Variants in PRKCE observed in about 807,000 individuals in gnomAD.
PRKCE encodes the protein protein kinase C epsilon type.
In PRKCE, 16 loss-of-function variants were observed where a neutral mutation model predicts 85.4. The ratio of observed to expected loss-of-function variants is 0.19; its 90% CI spans 0.13 to 0.28. PRKCE has a LOEUF of 0.28. Among genes scored for constraint, PRKCE ranks in the 10% least tolerant of loss-of-function variants. PRKCE has a pLI of 1.00. For missense variants in PRKCE, 573 were observed against 975.2 expected (o/e 0.59, Z 5.49); for synonymous variants, 388 against 371.5 (o/e 1.04, Z -0.51).
intron 1 of PRKCE, among the ~76,000 whole-genome samples, chr2:45,801,752 G>T (rs942877613): frequency 3.3e-5 from 5 of 152,134 alleles, no homozygotes; most frequent in African/African-American, 1.2e-4. Context: ...GTTCTTCCCT[G>T]GTGTGTCCTG....
intron 2 of PRKCE, among the ~76,000 whole-genome samples, chr2:45,885,680 A>G (rs1695244320): frequency 6.6e-6 from 1 of 152,196 alleles, no homozygotes; most frequent in African/African-American, 2.4e-5. Flanking sequence ...TTAGTTCTCT[A>G]GCCAAAGCAA....
rs999941457 is a variant in PRKCE at position 45,774,192 on chromosome 2, G to T, written c.349-68808G>T. On this transcript the variant is annotated intron_variant, in intron 1 of 14. Transcript: ENST00000306156. This position sits in a 1 kb window ranked among gnomAD's most constrained non-coding sequence, Gnocchi z 4.3. Reference sequence around the variant, plus strand: ...GGCTGGGCTTGGCTGGGACATGTTGGGCTGACCACCCCTGTGGTCAGGGCC... The same window carrying T: ...GGCTGGGCTTGGCTGGGACATGTTGTGCTGACCACCCCTGTGGTCAGGGCC... Among the ~76,000 whole-genome samples the T allele has an allele frequency of 6.6e-6, 1 of 152,110 alleles. No individual in the cohort carries two copies. Among genetic ancestry groups the T allele is most frequent in the East Asian group, 1.9e-4 (1 of 5,154 alleles).
intron 14 of PRKCE, among the ~76,000 whole-genome samples, chr2:46,174,979 C>G (rs1328771572): frequency 6.6e-6 from 1 of 152,112 alleles, no homozygotes; most frequent in Non-Finnish European, 1.5e-5. Flanking sequence ...GCATGAACCA[C>G]CACGCCCAGC....
At chr2:46,164,837 C>T (rs1316365332) in intron 14 of PRKCE, 1 of 152,292 alleles carries the variant, frequency 6.6e-6, no homozygotes, top group Non-Finnish European at 1.5e-5. Flanking sequence ...CCCTGGGTCA[C>T]CACCACAGAG....
At chr2:45,760,322 A>T (rs1300362858) in intron 1 of PRKCE, among the ~76,000 whole-genome samples, 1 of 152,192 alleles carries the variant, frequency 6.6e-6, no homozygotes, top group Non-Finnish European at 1.5e-5. Context: ...TGAGCACTGG[A>T]TTTGGTTTTG....
At chr2:45,686,201 C>G (rs147534447) in intron 1 of PRKCE, 3 of 152,254 alleles carry the variant, frequency 2.0e-5, no homozygotes, top group Non-Finnish European at 2.9e-5. Flanking sequence ...ACTTTTCCTT[C>G]TTTATAATTT....
chr2:45,802,633 T>A (rs956930060), intron 1 of PRKCE, among the ~76,000 whole-genome samples: 1 of 152,170 alleles, frequency 6.6e-6, no homozygotes, highest in Non-Finnish European at 1.5e-5. Flanking sequence ...GAGTAAGCCC[T>A]CCAGGGAAGT....
chr2:46,175,699 T>G (rs918520963), intron 14 of PRKCE, among the ~76,000 whole-genome samples: 6 of 152,180 alleles, frequency 3.9e-5, no homozygotes, highest in Non-Finnish European at 7.3e-5. Context: ...AAGAAACCAG[T>G]CTGATTCCAT....
chr2:46,087,242 G>A (rs912989284), intron 11 of PRKCE, among the ~76,000 whole-genome samples: 1 of 151,712 alleles, frequency 6.6e-6, no homozygotes, highest in African/African-American at 2.4e-5. Context: ...CATCATCTTG[G>A]TCTAGTGGAA....
chr2:45,874,369 C>T (rs1694316314), intron 2 of PRKCE, among the ~76,000 whole-genome samples: 1 of 152,214 alleles, frequency 6.6e-6, no homozygotes, highest in Non-Finnish European at 1.5e-5. Context: ...CTGCCCTGAA[C>T]TTGTGCCTGT....
At chr2:46,089,795 G>T (rs527483556) in intron 11 of PRKCE, among the ~76,000 whole-genome samples, 10 of 152,094 alleles carry the variant, frequency 6.6e-5, no homozygotes, top group Non-Finnish European at 1.2e-4. Flanking sequence ...ACAGGGCCCC[G>T]ATGGCCATGA....
In PRKCE at chr2:45,774,133, G is replaced by A. The variant is rs1405580509; in HGVS notation, c.349-68867G>A. Among the ~76,000 whole-genome samples the A allele has an allele frequency of 6.6e-6, 1 of 152,146 alleles. No homozygotes were observed. Among genetic ancestry groups the A allele is most frequent in the Non-Finnish European group, 1.5e-5 (1 of 68,020 alleles). On this transcript the variant is annotated intron_variant, in intron 1 of 14. Coordinates refer to ENST00000306156, the MANE Select transcript of PRKCE (RefSeq NM_005400.3). This position sits in a 1 kb window ranked among gnomAD's most constrained non-coding sequence, Gnocchi z 4.3. ...CTCCCTTGGAGAGATGGGGGCTGGA[G>A]GGAGCCAGGGACTTGTCATCCTGGG...
chr2:45,652,436 C>T lies in PRKCE; in HGVS notation c.336C>T (p.His112=). Residue 112 remains histidine, a synonymous_variant, in exon 1 of 15, where the codon CAC becomes CAT. Transcript: ENST00000306156. The surrounding 1 kb of genome is among the most constrained non-coding windows in gnomAD (Gnocchi z 7.7). ...FEELLQNGSR[H]FEDWIDLEPE... is the part of the protein sequence containing the mutation. ...AGCTGCTGCAGAACGGGAGCCGCCA[C>T]TTCGAGGACTGGGTGAGTGCGGCGC... 6.2e-7 allele frequency: 1 copy of T among 1,608,278 alleles called. No individual in the cohort carries two copies. The highest frequency in any genetic ancestry group is 8.5e-7 in the Non-Finnish European group (1 of 1,178,914).
intron 1 of PRKCE, among the ~76,000 whole-genome samples, chr2:45,684,295 C>G (rs1191655588): frequency 6.6e-6 from 1 of 152,140 alleles, no homozygotes; most frequent in Admixed American, 6.5e-5. Context: ...GGTCTTGGCT[C>G]CTGGTGAAGA....
rs906474483 is a variant in PRKCE at position 46,185,254 on chromosome 2, G to A, written c.*373G>A. The A allele has an allele frequency of 3.0e-4, 59 of 196,176 alleles. No homozygotes were observed. Among genetic ancestry groups the A allele is most frequent in the African/African-American group, 1.3e-3 (54 of 42,380 alleles). 12.2% of individuals were successfully genotyped at this position (196,176 alleles called of 1,614,324 possible). On this transcript the variant is annotated 3_prime_UTR_variant, in exon 15 of 15. Coordinates refer to ENST00000306156, the MANE Select transcript of PRKCE (RefSeq NM_005400.3). This position sits in a 1 kb window ranked among gnomAD's most constrained non-coding sequence, Gnocchi z 4.7. ...GAAAGAAAGCAAACAAGAAGACTCC[G>A]GCTCTGCTATCGGACACAGATCCTG...
At chr2:45,666,912 C>G (rs1675937888) in intron 1 of PRKCE, among the ~76,000 whole-genome samples, 1 of 152,172 alleles carries the variant, frequency 6.6e-6, no homozygotes, top group Non-Finnish European at 1.5e-5. Flanking sequence ...GTGATCATAA[C>G]TCACTGCAAC....
intron 4 of PRKCE, among the ~76,000 whole-genome samples, chr2:45,979,858 G>A (rs1702744798): frequency 6.6e-6 from 1 of 152,166 alleles, no homozygotes; most frequent in Non-Finnish European, 1.5e-5. Flanking sequence ...AGATAAAAAA[G>A]CCTCAGAACC....
intron 10 of PRKCE, among the ~76,000 whole-genome samples, chr2:46,025,202 G>A (rs1440097629): frequency 6.6e-6 from 1 of 152,186 alleles, no homozygotes; most frequent in African/African-American, 2.4e-5. Flanking sequence ...TGCCAGACGT[G>A]GTGACTGAGG....
intron 14 of PRKCE, among the ~76,000 whole-genome samples, chr2:46,170,221 C>G (rs1347378147): frequency 6.6e-6 from 1 of 152,158 alleles, no homozygotes; most frequent in African/African-American, 2.4e-5. Flanking sequence ...CCCAGGCAAC[C>G]CTGGTCTGCT....
Sources: allele counts gnomAD v4.1 joint callset (sites outside exome capture counted in the v4.1 genomes callset), GRCh38; gene constraint gnomAD v4.1.1; non-coding constraint Gnocchi (gnomAD v3.1); transcripts MANE v1.5; gene names NCBI Gene and HGNC (gene_info 2026-07-23, HGNC 2026-07-21).